Variants in TRAPPC10 observed in about 807,000 individuals in gnomAD.
TRAPPC10 encodes trafficking protein particle complex subunit 10.
In TRAPPC10, 23 loss-of-function variants were observed where a neutral mutation model predicts 125.5. The ratio of observed to expected loss-of-function variants is 0.18; its 90% CI spans 0.13 to 0.26. TRAPPC10 has a LOEUF of 0.26. Ranked by LOEUF, TRAPPC10 falls within the 10% of genes least tolerant of loss-of-function variation. The pLI is 1.00. For synonymous variants in TRAPPC10, 509 were observed against 518.0 expected, an observed-to-expected ratio of 0.98 and a Z score of 0.24; for missense variants, 1,123 against 1,308.4, an observed-to-expected ratio of 0.86 and a Z score of 2.19.
chr21:44,049,232 A>G (rs975179190), intron 3 of TRAPPC10, among the ~76,000 whole-genome samples: 2 of 152,204 alleles, frequency 1.3e-5, no homozygotes, highest in Admixed American at 1.3e-4. Context: ...GTGTACGTAC[A>G]TACATACATG....
chr21:44,057,123 T>C (rs906866464), intron 5 of TRAPPC10, among the ~76,000 whole-genome samples: 1 of 152,008 alleles, frequency 6.6e-6, no homozygotes, highest in African/African-American at 2.4e-5. Flanking sequence ...CCTCGAGTGC[T>C]CAGGTTCAGA....
At chr21:44,091,372 G>T (rs1297264152) in intron 18 of TRAPPC10, among the ~76,000 whole-genome samples, 1 of 152,156 alleles carries the variant, frequency 6.6e-6, no homozygotes, top group Non-Finnish European at 1.5e-5. Context: ...AATAAGGCTG[G>T]TCAGAAACTA....
chr21:44,079,411 C>G (rs763910305), intron 11 of TRAPPC10, 153 bp from the exon 12 acceptor site: 3 of 739,382 alleles, frequency 4.1e-6, no homozygotes, highest in African/African-American at 1.8e-5. Context: ...CTCTTTCTCA[C>G]GGAGTGGGGT....
At chr21:44,084,730 C>T (rs766764418) in intron 15 of TRAPPC10, among the ~76,000 whole-genome samples, 1 of 152,210 alleles carries the variant, frequency 6.6e-6, no homozygotes, top group Non-Finnish European at 1.5e-5. Context: ...CAGTCCCCCC[C>T]TTCCCATGCC....
intron 3 of TRAPPC10, chr21:44,047,083 G>T: frequency 1.5e-6 from 1 of 675,254 alleles, no homozygotes; most frequent in Non-Finnish European, 2.8e-6. Context: ...GCAGAGAAAG[G>T]GCTAATCAGA....
At chr21:44,080,880 A>T (rs1457080224) in intron 13 of TRAPPC10, among the ~76,000 whole-genome samples, 8 of 111,858 alleles carry the variant, frequency 7.2e-5, no homozygotes, top group African/African-American at 2.8e-4. Context: ...TTTTTTTTTA[A>T]AATGTAACAG....
In TRAPPC10 at chr21:44,063,870, GT is replaced by G; in HGVS notation, c.1038+88del. ...ACCTTGAGATCCCAGGCATTGAACT[GT>G]TTGTGCTTAAGAAAGGGTTTTCTTT... On this transcript the variant is annotated intron_variant, in intron 7 of 22. Coordinates refer to ENST00000291574, the MANE Select transcript of TRAPPC10 (RefSeq NM_003274.5). The surrounding 1 kb of genome is among the most constrained non-coding windows in gnomAD (Gnocchi z 4.4). The G allele has an allele frequency of 6.6e-7, 1 of 1,512,818 alleles. No homozygotes were observed. The highest frequency in any genetic ancestry group is 1.3e-5 in the South Asian group (1 of 76,504). 93.7% of individuals were successfully genotyped at this position (1,512,818 alleles called of 1,614,324 possible).
intron 11 of TRAPPC10, among the ~76,000 whole-genome samples, chr21:44,079,151 C>T (rs1404098838): frequency 1.3e-5 from 2 of 152,156 alleles, no homozygotes; most frequent in East Asian, 3.9e-4. Context: ...ACTTGGACTT[C>T]CTGGCTTCAT....
intron 1 of TRAPPC10, 84 bp downstream of exon 1, chr21:44,012,644 T>A: frequency 8.0e-7 from 1 of 1,255,980 alleles, no homozygotes; most frequent in Non-Finnish European, 1.1e-6. Flanking sequence ...CCCCAGACCT[T>A]CAGCCCCCGG....
chr21:44,033,360 C>T (rs2033737499), intron 2 of TRAPPC10, among the ~76,000 whole-genome samples: 2 of 152,036 alleles, frequency 1.3e-5, no homozygotes, highest in Admixed American at 1.3e-4. Flanking sequence ...TAGTGTCTTA[C>T]AAGATATGCA....
chr21:44,021,807 C>G lies in TRAPPC10; in HGVS notation c.67+9247C>G, dbSNP rs144508339. ...GTGAGAGGACACCTCCCCCTTGAAA[C>G]GAGGAAAGGCCACCTGAGGATAACA... is the stretch of plus-strand genomic sequence containing the variant. On this transcript the variant is annotated intron_variant, in intron 1 of 22. Coordinates refer to ENST00000291574, the MANE Select transcript of TRAPPC10 (RefSeq NM_003274.5). Among the ~76,000 whole-genome samples, 185 of 152,220 alleles carry G rather than the reference C, an allele frequency of 1.2e-3. 2 individuals carry two copies. Among genetic ancestry groups the G allele is most frequent in the African/African-American group, 4.2e-3 (174 of 41,514 alleles).
chr21:44,063,719 G>C lies in TRAPPC10; in HGVS notation c.972G>C (p.Pro324=). ...CCTTGCTGCTCTTCCTGCAGAGGCC[G>C]TGGGAGGTGGCCCAGCGCGCCCTAG... ...QCTLLLFLQR[P]WEVAQRALEL... Residue 324 remains proline (P), a synonymous_variant, in exon 7 of 23, where the codon CCG becomes CCC. Coordinates refer to ENST00000291574, the MANE Select transcript of TRAPPC10 (RefSeq NM_003274.5). This position sits in a 1 kb window ranked among gnomAD's most constrained non-coding sequence, Gnocchi z 4.4. 6.2e-7 allele frequency: 1 copy of C among 1,614,174 alleles called. No homozygotes were observed. Among genetic ancestry groups the C allele is most frequent in the South Asian group, 1.1e-5 (1 of 91,082 alleles).
At position 44,032,115 on chromosome 21, in the gene TRAPPC10, C is replaced by T; in HGVS notation, c.92C>T (p.Thr31Ile). ...VTCAGDQNLF[T>I]SVYPTLSQQL... ...GGTGCTGGAGATCAGAATTTATTTA[C>T]CTCTGTTTATCCAACGCTCTCTCAG... The change falls in exon 2 of 23, where the codon ACC becomes ATC. Residue 31 changes from threonine (T) to isoleucine (I), a missense_variant. Thr to Ile is a moderately conservative substitution (Grantham distance 89). Around this residue, in one of 4 missense-constraint regions of TRAPPC10, gnomAD observed 177 missense variants for 228.9 expected, o/e 0.77. Coordinates refer to ENST00000291574, the MANE Select transcript of TRAPPC10 (RefSeq NM_003274.5). 6.2e-7 allele frequency: 1 copy of T among 1,613,846 alleles called. No homozygotes were observed. The highest frequency in any genetic ancestry group is 8.5e-7 in the Non-Finnish European group (1 of 1,179,866).
intron 3 of TRAPPC10, chr21:44,046,216 C>T (rs1239495566): frequency 5.1e-6 from 1 of 194,806 alleles, no homozygotes; most frequent in Non-Finnish European, 1.2e-5. Flanking sequence ...AATTAAACTT[C>T]TAACTTGCTT....
Position 44,063,935 on chromosome 21 carries a change from T to C in TRAPPC10, c.1038+150T>C. On this transcript the variant is annotated intron_variant, in intron 7 of 22. Coordinates refer to ENST00000291574, the MANE Select transcript of TRAPPC10 (RefSeq NM_003274.5). The surrounding 1 kb of genome is among the most constrained non-coding windows in gnomAD (Gnocchi z 4.4). Reference sequence around the variant, plus strand: ...AATTTTCAGTATATTGTTTGCTTAGTTACTTTTTACGTTGATAAATTGCTC... The same window carrying C: ...AATTTTCAGTATATTGTTTGCTTAGCTACTTTTTACGTTGATAAATTGCTC... 8.7e-7 allele frequency: 1 copy of C among 1,155,960 alleles called. No individual in the cohort carries two copies. Among genetic ancestry groups the C allele is most frequent in the East Asian group, 2.4e-5 (1 of 41,164 alleles). The allele number at this position is 1,155,960 out of a possible 1,614,324, so 71.6% of individuals were successfully genotyped here. A position where few individuals can be genotyped will look rare whatever the true frequency, so the allele number is the denominator to read the frequency against.
chr21:44,035,312 T>TG (rs2033909425), intron 2 of TRAPPC10, among the ~76,000 whole-genome samples: 1 of 152,194 alleles, frequency 6.6e-6, no homozygotes, highest in Admixed American at 6.5e-5. Context: ...ACCTTGATCT[T>TG]GGACTTCCCA....
intron 20 of TRAPPC10, among the ~76,000 whole-genome samples, chr21:44,095,873 T>C (rs1224611283): frequency 2.6e-5 from 4 of 151,594 alleles, no homozygotes; most frequent in Non-Finnish European, 5.9e-5. Flanking sequence ...TGGCCCAAAG[T>C]ACGGGTTTGT....
chr21:44,093,939 G>A, intron 19 of TRAPPC10, 124 bp from the exon 20 acceptor site: 1 of 999,076 alleles, frequency 1.0e-6, no homozygotes, highest in Non-Finnish European at 1.5e-6. Context: ...GGCGTGCTGT[G>A]AGGCGGGGCC....
Position 44,059,792 on chromosome 21 carries a change from G to C in TRAPPC10, c.790+578G>C. The stretch of plus-strand genomic sequence containing the variant: ...CACGTTATATAGCTGTTTCTCTGTC[G>C]CTCCTTTTTGTTACTCACAGCCCAT... On this transcript the variant is annotated intron_variant, in intron 6 of 22. Transcript: ENST00000291574. The surrounding 1 kb of genome is among the most constrained non-coding windows in gnomAD (Gnocchi z 4.4). The C allele has an allele frequency of 2.7e-6, 1 of 367,346 alleles. No individual in the cohort carries two copies. 22.8% of individuals were successfully genotyped at this position (367,346 alleles called of 1,614,324 possible).
Sources: allele counts gnomAD v4.1 joint callset (sites outside exome capture counted in the v4.1 genomes callset), GRCh38; gene constraint gnomAD v4.1.1; regional missense constraint gnomAD v4.1.1; non-coding constraint Gnocchi (gnomAD v3.1); transcripts MANE v1.5; gene names NCBI Gene and HGNC (gene_info 2026-07-23, HGNC 2026-07-21).